Variants in ELOC observed in about 807,000 individuals in gnomAD.
The protein encoded by ELOC is elongin C, also known as elongin-C.
For synonymous variants in ELOC, 40 were observed against 51.3 expected, an observed-to-expected ratio of 0.78 and a Z score of 0.94; for missense variants, 38 against 139.0, an observed-to-expected ratio of 0.27 and a Z score of 3.65.
intron 1 of ELOC, among the ~76,000 whole-genome samples, chr8:73,970,129 C>CA (rs1167661138): frequency 6.6e-6 from 1 of 152,136 alleles, no homozygotes; most frequent in Non-Finnish European, 1.5e-5. Context: ...ATAGTCCCAG[C>CA]TACTAGGGAG....
At chr8:73,950,356 CAA>C (rs1319943989) in intron 3 of ELOC, among the ~76,000 whole-genome samples, 4 of 152,022 alleles carry the variant, frequency 2.6e-5, no homozygotes, top group Non-Finnish European at 4.4e-5. Flanking sequence ...AAAACAAAAA[CAA>C]AACACTCTTT....
At chr8:73,967,949 G>A (rs949049350) in intron 1 of ELOC, among the ~76,000 whole-genome samples, 2 of 152,128 alleles carry the variant, frequency 1.3e-5, no homozygotes, top group Non-Finnish European at 2.9e-5. Flanking sequence ...CCCATTCCTC[G>A]AGGTTCACAG....
In ELOC at chr8:73,970,982, C is replaced by T. The variant is rs142676105; in HGVS notation, c.-51+1095G>A. 3.4e-3 allele frequency among the ~76,000 whole-genome samples: 437 copies of T among 128,852 alleles called. 5 individuals carry two copies. Among genetic ancestry groups the T allele is most frequent in the African/African-American group, 0.013 (425 of 33,824 alleles). 84.5% of individuals were successfully genotyped at this position (128,852 alleles called of 152,430 possible). A position where few individuals can be genotyped will look rare whatever the true frequency, so the allele number is the denominator to read the frequency against. ...CCTGGATGCGGAGGTTGCAGTGAGC[C>T]GAGATCAAGTCACTGCACTCCAGCC... On this transcript the variant is annotated intron_variant, in intron 1 of 3. Transcript: ENST00000520242.
intron 2 of ELOC, among the ~76,000 whole-genome samples, chr8:73,958,978 A>T (rs1814400724): frequency 6.6e-6 from 1 of 152,214 alleles, no homozygotes; most frequent in Non-Finnish European, 1.5e-5. Flanking sequence ...ACGGTATGTT[A>T]CTGTATGAAT....
chr8:73,954,635 G>A (rs13259107), intron 3 of ELOC, among the ~76,000 whole-genome samples: 12 of 145,058 alleles, frequency 8.3e-5, no homozygotes, highest in Non-Finnish European at 1.3e-4. Flanking sequence ...CTGGGCGGCA[G>A]AGCAAGACTC....
At chr8:73,954,431 G>T (rs1255020355) in intron 3 of ELOC, among the ~76,000 whole-genome samples, 2 of 152,072 alleles carry the variant, frequency 1.3e-5, no homozygotes, top group Admixed American at 1.3e-4. Flanking sequence ...GGCTGAGGCA[G>T]GCGGATCACA....
At position 73,955,951 on chromosome 8, in the gene ELOC, T is replaced by C. The variant is rs773156481; in HGVS notation, c.108A>G (p.Ala36=). 31 of 1,613,980 alleles carry C rather than the reference T, an allele frequency of 1.9e-5. No homozygotes were observed. Among genetic ancestry groups the C allele is most frequent in the Non-Finnish European group, 2.5e-5 (30 of 1,179,942 alleles). ...GHEFIVKREH[A]LTSGTIKAML... ...TGGCTTTTATCGTGCCTGATGTTAATGCATGTTCTCTTTTTACAATAAATT... is the reference window on the plus strand; with the variant it reads ...TGGCTTTTATCGTGCCTGATGTTAACGCATGTTCTCTTTTTACAATAAATT... The change falls in exon 3 of 4, where the codon GCA becomes GCG. Residue 36 remains alanine, a synonymous_variant. Coordinates refer to ENST00000520242, the MANE Select transcript of ELOC (RefSeq NM_005648.4).
intron 3 of ELOC, among the ~76,000 whole-genome samples, chr8:73,953,043 G>A (rs1355328563): frequency 5.9e-5 from 9 of 152,140 alleles, no homozygotes; most frequent in Admixed American, 3.3e-4. Context: ...GCTGGCTCAC[G>A]TCTGTAATCC....
intron 1 of ELOC, among the ~76,000 whole-genome samples, chr8:73,967,071 T>C (rs962699340): frequency 2.6e-5 from 4 of 152,154 alleles, no homozygotes; most frequent in Non-Finnish European, 5.9e-5. Flanking sequence ...GCTTTACATA[T>C]AAAAGCACTC....
Position 73,959,751 on chromosome 8 carries a change from T to C in ELOC, c.4+14A>G. On this transcript the variant is annotated intron_variant, in intron 2 of 3. Transcript: ENST00000520242. Reference sequence around the variant, plus strand: ...CTACTAGTTAAAACACAAAATTAATTATCTTTAGCTTACCCATTTTGTTCT... The same window carrying C: ...CTACTAGTTAAAACACAAAATTAATCATCTTTAGCTTACCCATTTTGTTCT... 6.4e-7 allele frequency: 1 copy of C among 1,554,230 alleles called. No homozygotes were observed. Among genetic ancestry groups the C allele is most frequent in the East Asian group, 2.3e-5 (1 of 42,618 alleles).
chr8:73,948,096 G>A (rs934096848), intron 3 of ELOC, among the ~76,000 whole-genome samples: 4 of 152,022 alleles, frequency 2.6e-5, no homozygotes, highest in African/African-American at 9.6e-5. Flanking sequence ...GGAGGCTGAG[G>A]CAGGAGAATT....
chr8:73,966,816 C>T (rs1429355023), intron 1 of ELOC, among the ~76,000 whole-genome samples: 1 of 152,216 alleles, frequency 6.6e-6, no homozygotes, highest in East Asian at 1.9e-4. Context: ...GTAAACAACA[C>T]TACATAAGAA....
intron 2 of ELOC, among the ~76,000 whole-genome samples, chr8:73,958,092 GTTTTTTT>G (rs34797762): frequency 7.5e-6 from 1 of 134,110 alleles, no homozygotes; most frequent in Non-Finnish European, 1.6e-5. Flanking sequence ...TTTATTTATG[GTTTTTTT>G]TTTTTTTTTT....
chr8:73,952,633 T>C (rs1813854451), intron 3 of ELOC, among the ~76,000 whole-genome samples: 1 of 151,254 alleles, frequency 6.6e-6, no homozygotes, highest in Non-Finnish European at 1.5e-5. Flanking sequence ...ACAAAAAAAT[T>C]AGCTGGGTGT....
Position 73,945,651 on chromosome 8 carries a change from G to C in ELOC, c.*979C>G, listed in dbSNP as rs1175776467. On this transcript the variant is annotated 3_prime_UTR_variant, in exon 4 of 4. Transcript: ENST00000520242. ...CCACTGATTATGGGTATATTTATTG[G>C]GACATATTTTAATAGAAGATAATTC... 2.0e-5 allele frequency: 3 copies of C among 151,966 alleles called. No homozygotes were observed. The highest frequency in any genetic ancestry group is 4.8e-5 in the African/African-American group (2 of 41,370). The allele number at this position is 151,966 out of a possible 1,614,324, so 9.4% of individuals were successfully genotyped here. A position where few individuals can be genotyped will look rare whatever the true frequency, so the allele number is the denominator to read the frequency against.
At chr8:73,969,926 T>C (rs1452514253) in intron 1 of ELOC, among the ~76,000 whole-genome samples, 2 of 152,256 alleles carry the variant, frequency 1.3e-5, no homozygotes, top group Non-Finnish European at 2.9e-5. Context: ...GGGCTTTTTC[T>C]GCTCTTACTT....
chr8:73,953,982 T>C (rs12546223), intron 3 of ELOC, among the ~76,000 whole-genome samples: 33,236 of 152,172 alleles, frequency 0.22, 4,136 homozygotes, highest in Non-Finnish European at 0.28. Context: ...TGTATTCACA[T>C]CTGGCTGAAT....
chr8:73,952,740 C>T (rs1813862953), intron 3 of ELOC, among the ~76,000 whole-genome samples: 1 of 148,666 alleles, frequency 6.7e-6, no homozygotes, highest in African/African-American at 2.5e-5. Context: ...AAGGTTGCGC[C>T]ACTGCACTCC....
chr8:73,950,290 T>G (rs1359215879), intron 3 of ELOC, among the ~76,000 whole-genome samples: 1 of 152,162 alleles, frequency 6.6e-6, no homozygotes, highest in African/African-American at 2.4e-5. Context: ...TAAGAATGAC[T>G]GCAACAGACT....
Sources: gnomAD v4.1 joint callset for allele counts (sites outside exome capture counted in the v4.1 genomes callset) on GRCh38, gnomAD v4.1.1 for gene constraint, MANE v1.5 for transcripts, NCBI Gene and HGNC (gene_info 2026-07-23, HGNC 2026-07-21) for gene names.